Variants in FAM184A observed in about 807,000 individuals in gnomAD.
FAM184A encodes the protein family with sequence similarity 184 member A, also known as protein FAM184A.
Under a neutral mutation model 143.8 loss-of-function variants are expected in FAM184A, and 99 were observed. That is an observed-to-expected ratio of 0.69 (90% CI 0.58 to 0.81). The LOEUF is 0.81. FAM184A is among the 40% of genes least tolerant of loss of function. The pLI is 0.00. For synonymous variants in FAM184A, 427 were observed against 446.4 expected, an observed-to-expected ratio of 0.96 and a Z score of 0.55; for missense variants, 1,217 against 1,310.5, an observed-to-expected ratio of 0.93 and a Z score of 1.10.
At chr6:118,970,006 A>ATTTTTTTT (rs1242296300) in intron 14 of FAM184A, among the ~76,000 whole-genome samples, 2 of 20,488 alleles carry the variant, frequency 9.8e-5, no homozygotes, top group Non-Finnish European at 1.9e-4. Context: ...ATATATATAT[A>ATTTTTTTT]TATTTTTTTT....
intron 9 of FAM184A, among the ~76,000 whole-genome samples, chr6:118,984,511 T>C (rs1784129784): frequency 1.5e-5 from 2 of 129,980 alleles, no homozygotes; most frequent in African/African-American, 5.2e-5. Context: ...AAAGACTCTG[T>C]ACCTCTATAA....
intron 1 of FAM184A, among the ~76,000 whole-genome samples, chr6:119,040,286 C>T (rs941736100): frequency 5.9e-5 from 9 of 152,184 alleles, no homozygotes; most frequent in Admixed American, 2.6e-4. Flanking sequence ...CAGATCTCTT[C>T]CACCACTAAC....
chr6:119,128,591 A>C (rs770192940), intron 1 of FAM184A, among the ~76,000 whole-genome samples: 3 of 152,042 alleles, frequency 2.0e-5, no homozygotes, highest in Admixed American at 6.6e-5. Flanking sequence ...ACTGGAGAGG[A>C]GTGTCTAGAG....
intron 4 of FAM184A, 46 bp from the exon 5 acceptor site, chr6:119,016,990 T>C (rs909187704): frequency 9.7e-6 from 13 of 1,335,178 alleles, no homozygotes; most frequent in Non-Finnish European, 1.4e-5. Flanking sequence ...CTTTTTTCAT[T>C]ACTGTTATTA....
Position 119,011,345 on chromosome 6 carries a change from T to G in FAM184A, c.1617A>C (p.Glu539Asp), listed in dbSNP as rs1562472207. 6.2e-7 allele frequency: 1 copy of G among 1,608,838 alleles called. No individual in the cohort carries two copies. Among genetic ancestry groups the G allele is most frequent in the Non-Finnish European group, 8.5e-7 (1 of 1,177,710 alleles). The change falls in exon 6 of 18, where the codon GAA becomes GAC. Residue 539 changes from glutamate (E) to aspartate (D), a missense_variant. Coordinates refer to ENST00000338891, the MANE Select transcript of FAM184A (RefSeq NM_024581.6). ...QLQQELENLK[E>D]VLEDKLNTAN... Reference sequence around the variant, plus strand: ...CTGTATTCAACTTGTCTTCCAGTACTTCCTTTAGGTTTTCTAGCTCTTGTT... The same window carrying G: ...CTGTATTCAACTTGTCTTCCAGTACGTCCTTTAGGTTTTCTAGCTCTTGTT...
chr6:119,056,441 T>G (rs1373205698), intron 1 of FAM184A, among the ~76,000 whole-genome samples: 1 of 152,036 alleles, frequency 6.6e-6, no homozygotes, highest in Admixed American at 6.6e-5. Context: ...AAACCTAGGG[T>G]TCTATCGTCC....
chr6:119,007,965 TA>T lies in FAM184A; in HGVS notation c.1654-1358del, dbSNP rs547075940. Among the ~76,000 whole-genome samples the T allele has an allele frequency of 5.3e-5, 8 of 151,374 alleles. No individual in the cohort carries two copies. In the South Asian group the frequency reaches 1.7e-3, roughly 32 times the overall value. On this transcript the variant is annotated intron_variant, in intron 6 of 17. Transcript: ENST00000338891. ...AGAAAAAAAAAAAACAGTATTCTAG[TA>T]ACAATGTAAAGAATTCAAAGAGAAG...
chr6:119,064,577 A>G (rs1356759987), intron 1 of FAM184A, among the ~76,000 whole-genome samples: 3 of 152,108 alleles, frequency 2.0e-5, no homozygotes, highest in Non-Finnish European at 4.4e-5. Flanking sequence ...ATAGTGGCGC[A>G]TACCTGTAAT....
chr6:119,056,578 T>C (rs1786984865), intron 1 of FAM184A, among the ~76,000 whole-genome samples: 1 of 152,204 alleles, frequency 6.6e-6, no homozygotes, highest in African/African-American at 2.4e-5. Flanking sequence ...GTTCATCAAC[T>C]CACTGAAATC....
At chr6:119,064,742 T>C (rs1787381012) in intron 1 of FAM184A, among the ~76,000 whole-genome samples, 2 of 152,066 alleles carry the variant, frequency 1.3e-5, no homozygotes, top group Non-Finnish European at 2.9e-5. Flanking sequence ...CCAAATACCA[T>C]GTTTCAATTC....
chr6:119,014,766 T>C (rs1049435289), intron 5 of FAM184A, among the ~76,000 whole-genome samples: 9 of 152,136 alleles, frequency 5.9e-5, no homozygotes, highest in African/African-American at 2.2e-4. Context: ...ACCATCAAAA[T>C]GAAGGAAATC....
At chr6:119,004,743 A>G (rs893022292) in intron 7 of FAM184A, among the ~76,000 whole-genome samples, 1 of 152,244 alleles carries the variant, frequency 6.6e-6, no homozygotes. Flanking sequence ...CCAGCAGAAC[A>G]GAAAATGAAG....
Position 119,024,741 on chromosome 6 carries a change from C to T in FAM184A, c.232G>A (p.Glu78Lys). 2 of 1,613,536 alleles carry T rather than the reference C, an allele frequency of 1.2e-6. No homozygotes were observed. ...AIQALKDAHE[E>K]EIQQILAETR... ...TCAGCAAGAATTTGTTGAATTTCTT[C>T]TTCATGAGCATCTTTGAGGGCTTGA... The change falls in exon 2 of 18, where the codon GAA (glutamate) becomes AAA (lysine). Residue 78 changes from glutamate (E) to lysine (K), a missense_variant. By Grantham distance (56) the Glu-to-Lys change is moderately conservative (BLOSUM62 1). Coordinates refer to ENST00000338891, the MANE Select transcript of FAM184A (RefSeq NM_024581.6).
At chr6:119,012,556 C>T (rs887724404) in intron 5 of FAM184A, among the ~76,000 whole-genome samples, 1 of 152,196 alleles carries the variant, frequency 6.6e-6, no homozygotes, top group African/African-American at 2.4e-5. Context: ...CAACCTGTGA[C>T]AATTTGTGTG....
At chr6:119,110,576 C>T (rs904352280) in intron 1 of FAM184A, among the ~76,000 whole-genome samples, 4 of 151,976 alleles carry the variant, frequency 2.6e-5, no homozygotes, top group Admixed American at 6.6e-5. Context: ...CAGGGTCTAT[C>T]CCATGGACAA....
intron 1 of FAM184A, among the ~76,000 whole-genome samples, chr6:119,144,333 CAAAAA>C (rs555955754): frequency 9.0e-5 from 7 of 77,988 alleles, no homozygotes; most frequent in African/African-American, 7.8e-5. Context: ...GACTCTGACT[CAAAAA>C]AAAAAAAAAA....
At position 119,088,194 on chromosome 6, in the gene FAM184A, A is replaced by G. The variant is rs143699280; in HGVS notation, c.-202+60884T>C. Among the ~76,000 whole-genome samples, 4 of 152,332 alleles carry G rather than the reference A, an allele frequency of 2.6e-5. No homozygotes were observed. In the East Asian group the frequency reaches 7.7e-4, roughly 29 times the overall value. The stretch of plus-strand genomic sequence containing the variant: ...GATGGTTGTACAACAGTGTGCATCT[A>G]CTTAATGCACTAAATATACACTTAA... On this transcript the variant is annotated intron_variant, in intron 1 of 16. Transcript: ENST00000352896.
Position 119,023,979 on chromosome 6 carries a change from T to C in FAM184A, c.994A>G (p.Ile332Val), listed in dbSNP as rs750390597. ...CTTACCTGAACATTGTTCTCTGCTA[T>C]GGCAAGTGCCGTCTGAAGCTTTTGG... is the stretch of plus-strand genomic sequence containing the variant. ...KCQKLQTALA[I>V]AENNVQVLQK... Residue 332 changes from isoleucine (I) to valine (V), a missense_variant, in exon 2 of 18, where the codon ATA becomes GTA. Physicochemically the swap from Ile to Val is conservative, Grantham distance 29. Coordinates refer to ENST00000338891, the MANE Select transcript of FAM184A (RefSeq NM_024581.6). The C allele has an allele frequency of 5.6e-6, 9 of 1,595,684 alleles. No individual in the cohort carries two copies. The highest frequency in any genetic ancestry group is 2.2e-5 in the East Asian group (1 of 44,808).
chr6:119,123,518 A>G (rs1303402436), intron 1 of FAM184A, among the ~76,000 whole-genome samples: 2 of 152,236 alleles, frequency 1.3e-5, no homozygotes, highest in African/African-American at 2.4e-5. Context: ...AATAATGATT[A>G]TAACTATTCC....
Sources: allele counts gnomAD v4.1 joint callset (sites outside exome capture counted in the v4.1 genomes callset), GRCh38; gene constraint gnomAD v4.1.1; transcripts MANE v1.5; gene names NCBI Gene and HGNC (gene_info 2026-07-23, HGNC 2026-07-21).